The following NRCAM variants were observed in gnomAD, a reference collection of about 807,000 sequenced individuals.
NRCAM encodes NgCAM-related cell adhesion molecule.
Under a neutral mutation model 156.5 loss-of-function variants are expected in NRCAM, and 83 were observed. The ratio of observed to expected loss-of-function variants is 0.53; its 90% CI spans 0.44 to 0.64. The LOEUF is 0.64. Among genes scored for constraint, NRCAM ranks in the 30% least tolerant of loss-of-function variants. The probability of loss-of-function intolerance (pLI) is 0.00; values close to 1 mark genes in which losing one functional copy is unlikely to be tolerated. For synonymous variants in NRCAM, 538 were observed against 563.9 expected (o/e 0.95, Z 0.65); for missense variants, 1,417 against 1,597.3 (o/e 0.89, Z 1.92).
chr7:108,286,701 G>A (rs145961106), intron 3 of NRCAM, among the ~76,000 whole-genome samples: 102 of 152,132 alleles, frequency 6.7e-4, no homozygotes, highest in African/African-American at 2.3e-3. Context: ...ATTCAGACAC[G>A]ATCAGGCACG....
intron 3 of NRCAM, chr7:108,243,159 A>C (rs2095650623): frequency 6.6e-6 from 1 of 152,176 alleles, no homozygotes; most frequent in Non-Finnish European, 1.5e-5. Context: ...CATTAGCCAC[A>C]AATCGTCTCT....
At chr7:108,390,684 T>G (rs184422373) in intron 2 of NRCAM, among the ~76,000 whole-genome samples, 90 of 152,332 alleles carry the variant, frequency 5.9e-4, no homozygotes, top group African/African-American at 1.9e-3. Flanking sequence ...ATTTTAGATC[T>G]TTCCTGCTTT....
chr7:108,240,453 C>T (rs564623025), intron 3 of NRCAM, among the ~76,000 whole-genome samples: 1 of 152,212 alleles, frequency 6.6e-6, no homozygotes, highest in Non-Finnish European at 1.5e-5. Flanking sequence ...CAGAGGCTAT[C>T]GTGTCTTTCC....
Position 108,182,872 on chromosome 7 carries a change from T to C in NRCAM, c.2353A>G (p.Ser785Gly). ...TCATCACCATCTTTCTGGCGCCAGC[T>C]AACTTTGTACTGAAGGCCTGGCCCA... Reference protein sequence around the residue: ...SNGPGLQYKVSWRQKDGDDEW... With the variant: ...SNGPGLQYKVGWRQKDGDDEW... Residue 785 changes from serine (S) to glycine (G), a missense_variant, in exon 23 of 33, where the codon AGC becomes GGC. Ser to Gly is a moderately conservative substitution (Grantham distance 56). Around this residue, in one of 2 missense-constraint regions of NRCAM, gnomAD observed 1,238 missense variants for 1,336.4 expected, o/e 0.93. Transcript: ENST00000379028. 1 of 1,614,226 alleles carries C rather than the reference T, an allele frequency of 6.2e-7. No individual in the cohort carries two copies. Among genetic ancestry groups the C allele is most frequent in the Non-Finnish European group, 8.5e-7 (1 of 1,180,038 alleles).
intron 3 of NRCAM, among the ~76,000 whole-genome samples, chr7:108,308,110 G>A (rs2154173040): frequency 6.6e-6 from 1 of 152,300 alleles, no homozygotes; most frequent in South Asian, 2.1e-4. Context: ...CTAACTCAAT[G>A]AATAAGGGAT....
intron 20 of NRCAM, among the ~76,000 whole-genome samples, chr7:108,186,567 C>T (rs912584627): frequency 4.6e-5 from 7 of 152,124 alleles, no homozygotes; most frequent in African/African-American, 1.7e-4. Flanking sequence ...CACATAACCT[C>T]CTAACTCAGT....
intron 1 of NRCAM, among the ~76,000 whole-genome samples, chr7:108,442,359 C>T (rs1301776077): frequency 6.6e-6 from 1 of 152,130 alleles, no homozygotes; most frequent in Admixed American, 6.6e-5. Flanking sequence ...TGGCCCCACT[C>T]CTAACTGTGT....
chr7:108,372,808 A>C (rs2099637379), intron 2 of NRCAM, among the ~76,000 whole-genome samples: 1 of 152,168 alleles, frequency 6.6e-6, no homozygotes, highest in Non-Finnish European at 1.5e-5. Flanking sequence ...CAAAAAATTA[A>C]AAATAGAACT....
At chr7:108,379,181 T>C (rs1306160062) in intron 2 of NRCAM, among the ~76,000 whole-genome samples, 1 of 152,094 alleles carries the variant, frequency 6.6e-6, no homozygotes. Context: ...GAGATCAAGG[T>C]GCCCAAGAAC....
chr7:108,422,302 A>G (rs927274559), intron 1 of NRCAM, among the ~76,000 whole-genome samples: 3 of 152,312 alleles, frequency 2.0e-5, no homozygotes, highest in African/African-American at 4.8e-5. Flanking sequence ...GCAGTGCAGT[A>G]AACACTTTAC....
chr7:108,353,584 G>A (rs142539183), intron 2 of NRCAM, among the ~76,000 whole-genome samples: 11 of 152,246 alleles, frequency 7.2e-5, no homozygotes, highest in Admixed American at 2.0e-4. Context: ...ACCTTCTGAA[G>A]TGCAGGGATT....
chr7:108,391,356 T>C (rs1245106180), intron 2 of NRCAM, among the ~76,000 whole-genome samples: 1 of 152,174 alleles, frequency 6.6e-6, no homozygotes, highest in Admixed American at 6.5e-5. Flanking sequence ...TTGATCTGTG[T>C]TGGTTTAAAG....
chr7:108,275,640 C>A (rs2097566843), intron 3 of NRCAM, among the ~76,000 whole-genome samples: 2 of 152,106 alleles, frequency 1.3e-5, no homozygotes, highest in Admixed American at 6.6e-5. Context: ...CTTTATTAGT[C>A]TTGCAGGCGG....
At chr7:108,151,965 C>A (rs928895195) in intron 32 of NRCAM, among the ~76,000 whole-genome samples, 3 of 152,110 alleles carry the variant, frequency 2.0e-5, no homozygotes, top group African/African-American at 7.2e-5. Flanking sequence ...CATCTATCCA[C>A]CCATGCCTTC....
chr7:108,261,822 A>G (rs2096899052), intron 3 of NRCAM, among the ~76,000 whole-genome samples: 2 of 151,898 alleles, frequency 1.3e-5, no homozygotes, highest in Non-Finnish European at 1.5e-5. Context: ...CTAGAAATCC[A>G]CTCTGCACTC....
chr7:108,218,557 C>A (rs949037306), intron 11 of NRCAM, among the ~76,000 whole-genome samples: 23 of 152,122 alleles, frequency 1.5e-4, no homozygotes, highest in Non-Finnish European at 1.5e-5. Context: ...CCAAAAGGAA[C>A]CTTCAAAGCC....
chr7:108,349,557 C>A (rs956149716), intron 2 of NRCAM, among the ~76,000 whole-genome samples: 1 of 152,070 alleles, frequency 6.6e-6, no homozygotes, highest in Non-Finnish European at 1.5e-5. Flanking sequence ...CATGAGCCAC[C>A]GTGCCTGGCT....
intron 2 of NRCAM, among the ~76,000 whole-genome samples, chr7:108,323,861 A>G (rs2099032673): frequency 6.6e-6 from 1 of 152,192 alleles, no homozygotes; most frequent in African/African-American, 2.4e-5. Context: ...GTGTAATTCC[A>G]AAGAGATTTG....
intron 3 of NRCAM, among the ~76,000 whole-genome samples, chr7:108,247,045 G>A (rs544856114): frequency 6.6e-6 from 1 of 152,232 alleles, no homozygotes; most frequent in African/African-American, 2.4e-5. Flanking sequence ...GAAGCCAGTG[G>A]AAAGAGACCC....
Sources: allele counts gnomAD v4.1 joint callset (sites outside exome capture counted in the v4.1 genomes callset), GRCh38; gene constraint gnomAD v4.1.1; regional missense constraint gnomAD v4.1.1; transcripts MANE v1.5; gene names NCBI Gene and HGNC (gene_info 2026-07-23, HGNC 2026-07-21).